Variants in NPM1 observed in about 807,000 individuals in gnomAD.
The protein encoded by NPM1 is nucleophosmin.
A neutral mutation model predicts 44.1 loss-of-function variants in NPM1; 1 was observed. That is an observed-to-expected ratio of 0.02 (90% CI 0.01 to 0.11). The LOEUF (loss-of-function observed/expected upper bound fraction) is 0.11, where lower values mean the gene tolerates loss of function less well. Among genes scored for constraint, NPM1 ranks in the 10% least tolerant of loss-of-function variants. NPM1 has a pLI of 1.00. For missense variants in NPM1, 197 were observed against 347.8 expected, an observed-to-expected ratio of 0.57 and a Z score of 3.45; for synonymous variants, 126 against 111.8, an observed-to-expected ratio of 1.13 and a Z score of -0.80.
At chr5:171,396,467 A>G (rs1199291527) in intron 6 of NPM1, among the ~76,000 whole-genome samples, 1 of 152,234 alleles carries the variant, frequency 6.6e-6, no homozygotes, top group South Asian at 2.1e-4. Flanking sequence ...TTAAAAAGCC[A>G]CTTGAAGGGC....
chr5:171,403,713 A>T (rs1426183440), intron 8 of NPM1, among the ~76,000 whole-genome samples: 12 of 111,442 alleles, frequency 1.1e-4, no homozygotes, highest in Admixed American at 1.8e-4. Context: ...CCTCCCGGAC[A>T]GGGCGGCCGG....
intron 6 of NPM1, among the ~76,000 whole-genome samples, chr5:171,395,361 A>G (rs1366946675): frequency 6.6e-6 from 1 of 151,180 alleles, no homozygotes; most frequent in Non-Finnish European, 1.5e-5. Context: ...GTGCAATGGT[A>G]TGATCTCTGC....
rs953249023 is a variant in NPM1 at position 171,388,015 on chromosome 5, T to TG, written c.58+15dup. The stretch of plus-strand genomic sequence containing the variant: ...CCAGAACTATCTTTTCGGTAACTGC[T>TG]GGGGGGAGCTGGAGCGAGGCCGAGC... On this transcript the variant is annotated intron_variant, in intron 1 of 10. Coordinates refer to ENST00000296930, the MANE Select transcript of NPM1 (RefSeq NM_002520.7). The TG allele has an allele frequency of 7.8e-7, 1 of 1,283,320 alleles. No homozygotes were observed. The allele number at this position is 1,283,320 out of a possible 1,614,324, so 79.5% of individuals were successfully genotyped here. A position where few individuals can be genotyped will look rare whatever the true frequency, so the allele number is the denominator to read the frequency against.
intron 10 of NPM1, among the ~76,000 whole-genome samples, chr5:171,408,183 A>C (rs1424197225): frequency 6.6e-6 from 1 of 150,598 alleles, no homozygotes; most frequent in Non-Finnish European, 1.5e-5. Flanking sequence ...TGGGAAATAC[A>C]TTATGCCAAA....
chr5:171,388,108 C>CCG (rs924345438), intron 1 of NPM1, 102 bp downstream of exon 1: 3 of 1,045,078 alleles, frequency 2.9e-6, no homozygotes, highest in Non-Finnish European at 4.3e-6. Context: ...CTGGTGGAGA[C>CCG]CGCCAGACCG....
Position 171,392,897 on chromosome 5 carries a change from A to C in NPM1, c.460-17A>C. 1 of 1,612,210 alleles carries C rather than the reference A, an allele frequency of 6.2e-7. No individual in the cohort carries two copies. The highest frequency in any genetic ancestry group is 1.1e-5 in the South Asian group (1 of 91,006). The stretch of plus-strand genomic sequence containing the variant: ...GAACAGCTCTTGTTCATGAGTACGT[A>C]TCTTTTCTTTTAAAAGAAAAAAGTA... On this transcript the variant is annotated splice_polypyrimidine_tract_variant and intron_variant, in intron 5 of 10. Transcript: ENST00000296930.
At chr5:171,392,148 C>A (rs1233080805) in intron 4 of NPM1, among the ~76,000 whole-genome samples, 3 of 152,156 alleles carry the variant, frequency 2.0e-5, no homozygotes, top group Non-Finnish European at 4.4e-5. Flanking sequence ...TGATGTTGGC[C>A]AGGCCGATCT....
At chr5:171,391,960 G>GC (rs138910433) in intron 4 of NPM1, among the ~76,000 whole-genome samples, 161 bp downstream of exon 4, 2 of 149,980 alleles carry the variant, frequency 1.3e-5, no homozygotes, top group African/African-American at 5.0e-5. Context: ...TTTGGGGCGG[G>GC]GGGGAGAGGA....
In NPM1 at chr5:171,406,832, A is replaced by G. The variant is rs1321666343; in HGVS notation, c.772-868A>G. ...CTTAATGCTATACCTGATTCTGCCA[A>G]AGTCCCTTGGACATTTGAAAACCTT... is the stretch of plus-strand genomic sequence containing the variant. On this transcript the variant is annotated intron_variant, in intron 9 of 10. Transcript: ENST00000296930. 9.0e-6 allele frequency: 4 copies of G among 445,986 alleles called. No homozygotes were observed. In the East Asian group the frequency reaches 3.0e-4, roughly 33 times the overall value. The allele number at this position is 445,986 out of a possible 1,614,324, so 27.6% of individuals were successfully genotyped here.
Position 171,405,310 on chromosome 5 carries a change from A to C in NPM1, c.678A>C (p.Glu226Asp), listed in dbSNP as rs766707224. 1 of 1,549,274 alleles carries C rather than the reference A, an allele frequency of 6.5e-7. No individual in the cohort carries two copies. Among genetic ancestry groups the C allele is most frequent in the Non-Finnish European group, 8.9e-7 (1 of 1,129,334 alleles). Residue 226 changes from glutamate (E) to aspartate (D), a missense_variant, in exon 9 of 11, where the codon GAA becomes GAC. Coordinates refer to ENST00000296930, the MANE Select transcript of NPM1 (RefSeq NM_002520.7). ...PSSTPRSKGQ[E>D]SFKKQEKTPK... ...ATTCATTTCTTTTTCAGGGACAAGA[A>C]TCCTTCAAGAAACAGGAAAAAACTC... is the stretch of plus-strand genomic sequence containing the variant.
At chr5:171,407,406 C>A (rs973596927) in intron 9 of NPM1, 16 of 359,670 alleles carry the variant, frequency 4.4e-5, no homozygotes, top group Non-Finnish European at 6.9e-5. Flanking sequence ...AGATAAGCAA[C>A]CGAGTTGCCA....
At chr5:171,395,054 C>G (rs975472825) in intron 6 of NPM1, among the ~76,000 whole-genome samples, 1 of 152,098 alleles carries the variant, frequency 6.6e-6, no homozygotes, top group African/African-American at 2.4e-5. Context: ...TGGTGCCTGC[C>G]TATTGGTCCC....
intron 6 of NPM1, among the ~76,000 whole-genome samples, chr5:171,398,785 T>A (rs1771041513): frequency 6.6e-6 from 1 of 152,126 alleles, no homozygotes; most frequent in African/African-American, 2.4e-5. Flanking sequence ...AACAAAAAAA[T>A]CACTGTTTCT....
Position 171,399,118 on chromosome 5 carries a change from C to T in NPM1, c.525-1035C>T, listed in dbSNP as rs551166362. Among the ~76,000 whole-genome samples, 270 of 152,302 alleles carry T rather than the reference C, an allele frequency of 1.8e-3. 3 individuals are homozygous for T. Among genetic ancestry groups the T allele is most frequent in the African/African-American group, 6.1e-3 (254 of 41,560 alleles). On this transcript the variant is annotated intron_variant, in intron 6 of 10. Coordinates refer to ENST00000296930, the MANE Select transcript of NPM1 (RefSeq NM_002520.7). ...GCCGTCTCGGCCTCCTAAAAAGTGC[C>T]GGGATTACAAGCGTGAGCCACGGTG...
intron 8 of NPM1, among the ~76,000 whole-genome samples, chr5:171,405,079 A>C (rs1771491263): frequency 6.6e-6 from 1 of 152,194 alleles, no homozygotes; most frequent in African/African-American, 2.4e-5. Flanking sequence ...CTGGGATTAC[A>C]GGCATGCACC....
intron 6 of NPM1, 150 bp from the exon 7 acceptor site, chr5:171,400,003 A>G: frequency 1.6e-6 from 1 of 610,488 alleles, no homozygotes. Flanking sequence ...TTAGTCATTT[A>G]ACACTTGGGT....
intron 6 of NPM1, among the ~76,000 whole-genome samples, chr5:171,396,909 G>A (rs62383962): frequency 0.4 from 61,436 of 151,864 alleles, 12,446 homozygotes; most frequent in East Asian, 0.55. Context: ...GGAGGCGGAG[G>A]TTGCAGTGAG....
chr5:171,389,925 T>C (rs1486506541), intron 1 of NPM1, 126 bp from the exon 2 acceptor site: 1 of 635,446 alleles, frequency 1.6e-6, no homozygotes, highest in Non-Finnish European at 2.8e-6. Context: ...CATTCTGCTT[T>C]GCCCTCTGGT....
chr5:171,396,859 G>C (rs1481456652), intron 6 of NPM1, among the ~76,000 whole-genome samples: 1 of 152,166 alleles, frequency 6.6e-6, no homozygotes, highest in East Asian at 1.9e-4. Flanking sequence ...TGCAATCCCA[G>C]CTGCTGGGGA....
Sources: gnomAD v4.1 joint callset for allele counts (sites outside exome capture counted in the v4.1 genomes callset) on GRCh38, gnomAD v4.1.1 for gene constraint, MANE v1.5 for transcripts, NCBI Gene and HGNC (gene_info 2026-07-23, HGNC 2026-07-21) for gene names.